The following TLE3 variants were observed in gnomAD, a reference collection of about 807,000 sequenced individuals.
TLE3 encodes TLE family member 3, transcriptional corepressor.
TLE3 carries 14 observed loss-of-function variants against 93.0 expected under a neutral mutation model. The ratio of observed to expected loss-of-function variants is 0.15; its 90% confidence interval spans 0.10 to 0.24. TLE3 has a LOEUF of 0.24. Among genes scored for constraint, TLE3 ranks in the 10% least tolerant of loss-of-function variants. The pLI is 1.00. For synonymous variants in TLE3, 451 were observed against 425.0 expected (o/e 1.06, Z -0.75); for missense variants, 693 against 1,046.6 (o/e 0.66, Z 4.66).
Position 70,072,863 on chromosome 15 carries a change from G to A in TLE3, c.372+1670C>T, listed in dbSNP as rs576513927. Among the ~76,000 whole-genome samples the A allele has an allele frequency of 5.3e-5, 8 of 152,336 alleles. No homozygotes were observed. The South Asian group carries it at 6.2e-4, about 12-fold the overall frequency. ...AACAGTGTCAAGGTTGACGATCCCC[G>A]GGCTAGATGATCTCTGATGATACTT... On this transcript the variant is annotated intron_variant, in intron 6 of 19. Coordinates refer to ENST00000451782, the MANE Select transcript of TLE3 (RefSeq NM_001105192.3).
chr15:70,068,575 G>C (rs1272850411), intron 6 of TLE3, among the ~76,000 whole-genome samples: 1 of 152,206 alleles, frequency 6.6e-6, no homozygotes, highest in East Asian at 1.9e-4. Flanking sequence ...GAGCCAATAA[G>C]ATCCCTTGAG....
chr15:70,066,538 G>A lies in TLE3; in HGVS notation c.373-320C>T, dbSNP rs184465354. ...AAAGAATGCATGCATTTAAAAAACC[G>A]CAGAGTCATGGGGTTCCCTCTGAGT... is the stretch of plus-strand genomic sequence containing the variant. On this transcript the variant is annotated intron_variant, in intron 6 of 19. Coordinates refer to ENST00000451782, the MANE Select transcript of TLE3 (RefSeq NM_001105192.3). The A allele has an allele frequency of 2.6e-5, 7 of 270,498 alleles. No individual in the cohort carries two copies. In the East Asian group the frequency reaches 5.0e-4, roughly 19 times the overall value. 16.8% of individuals were successfully genotyped at this position (270,498 alleles called of 1,614,324 possible).
At chr15:70,082,862 C>T (rs1479150388) in intron 4 of TLE3, among the ~76,000 whole-genome samples, 1 of 152,194 alleles carries the variant, frequency 6.6e-6, no homozygotes, top group African/African-American at 2.4e-5. Context: ...GACCGATCAA[C>T]GGCAAGGGAC....
At chr15:70,051,557 A>G (rs1595852752) in intron 18 of TLE3, 90 bp from the exon 19 acceptor site, 9 of 1,182,790 alleles carry the variant, frequency 7.6e-6, no homozygotes, top group Admixed American at 2.4e-5. Flanking sequence ...TGCCATAGAA[A>G]AGCAGTGAGA....
In TLE3 at chr15:70,096,886, C is replaced by A. The variant is rs768869955; in HGVS notation, c.-88G>T. ...GGGGGAGGGGGGAGCCGAGCCCGAG[C>A]GGGGGGCGGCCGGGAAACCGAGAGC... On this transcript the variant is annotated 5_prime_UTR_variant, in exon 1 of 20. Coordinates refer to ENST00000451782, the MANE Select transcript of TLE3 (RefSeq NM_001105192.3). 2.5e-5 allele frequency: 37 copies of A among 1,456,176 alleles called. No homozygotes were observed. The highest frequency in any genetic ancestry group is 3.3e-5 in the Non-Finnish European group (35 of 1,070,074). The allele number at this position is 1,456,176 out of a possible 1,614,324, so 90.2% of individuals were successfully genotyped here. A position where few individuals can be genotyped will look rare whatever the true frequency, so the allele number is the denominator to read the frequency against.
chr15:70,087,654 G>C (rs2058092897), intron 4 of TLE3, among the ~76,000 whole-genome samples: 1 of 152,186 alleles, frequency 6.6e-6, no homozygotes, highest in Non-Finnish European at 1.5e-5. Flanking sequence ...AGCCAGCCTG[G>C]GAGAGAACAG....
At position 70,049,733 on chromosome 15, in the gene TLE3, C is replaced by T. The variant is rs562970459; in HGVS notation, c.*364G>A. The T allele has an allele frequency of 9.3e-6, 2 of 214,656 alleles. No individual in the cohort carries two copies. The highest frequency in any genetic ancestry group is 1.0e-4 in the East Asian group (1 of 9,534). 13.3% of individuals were successfully genotyped at this position (214,656 alleles called of 1,614,324 possible). On this transcript the variant is annotated 3_prime_UTR_variant, in exon 20 of 20. Transcript: ENST00000451782. ...CACAACATTGTGGTCCACTCCAGCA[C>T]CCCCGACCCAAGGTGAGGGACAGGG...
chr15:70,095,458 C>T (rs2142099883), intron 3 of TLE3, 120 bp downstream of exon 3: 1 of 1,543,476 alleles, frequency 6.5e-7, no homozygotes, highest in South Asian at 1.2e-5. Flanking sequence ...TGCCCTCTCT[C>T]AGGGCCGCCC....
At chr15:70,075,215 G>A (rs923663381) in intron 5 of TLE3, among the ~76,000 whole-genome samples, 2 of 152,224 alleles carry the variant, frequency 1.3e-5, no homozygotes, top group Non-Finnish European at 2.9e-5. Flanking sequence ...GTGATGATGT[G>A]TCAATGTAGA....
Position 70,060,775 on chromosome 15 carries a change from G to A in TLE3, c.595-126C>T, listed in dbSNP as rs201080677. 637 of 1,504,622 alleles carry A rather than the reference G, an allele frequency of 4.2e-4. 4 individuals carry two copies. In the Middle Eastern group the frequency reaches 8.1e-3, roughly 19 times the overall value. The allele number at this position is 1,504,622 out of a possible 1,614,324, so 93.2% of individuals were successfully genotyped here. A position where few individuals can be genotyped will look rare whatever the true frequency, so the allele number is the denominator to read the frequency against. On this transcript the variant is annotated intron_variant, in intron 8 of 19. Coordinates refer to ENST00000451782, the MANE Select transcript of TLE3 (RefSeq NM_001105192.3). ...GGGAAGAGAAGCTGAACTCCTCTCTGCCCTGCAGATCGTGGCTCCATCAGA... is the reference window on the plus strand; with the variant it reads ...GGGAAGAGAAGCTGAACTCCTCTCTACCCTGCAGATCGTGGCTCCATCAGA...
At chr15:70,085,832 G>C (rs2058015321) in intron 4 of TLE3, among the ~76,000 whole-genome samples, 1 of 152,246 alleles carries the variant, frequency 6.6e-6, no homozygotes, top group Non-Finnish European at 1.5e-5. Flanking sequence ...GCGATTGAGG[G>C]ATGGGAGACA....
In TLE3 at chr15:70,059,394, C is replaced by G; in HGVS notation, c.765+16G>C. 1.2e-6 allele frequency: 2 copies of G among 1,606,766 alleles called. No homozygotes were observed. The highest frequency in any genetic ancestry group is 1.7e-6 in the Non-Finnish European group (2 of 1,176,540). ...TGCCAAACCAAGAGCCCCCTTGCGA[C>G]CGGGCCTGCCCATACCTCATTGGAA... On this transcript the variant is annotated intron_variant, in intron 10 of 19. Transcript: ENST00000451782.
At chr15:70,094,829 A>C in intron 3 of TLE3, 3 of 496,868 alleles carry the variant, frequency 6.0e-6, no homozygotes, top group Non-Finnish European at 7.3e-6. Flanking sequence ...CACAAGCACC[A>C]CATGTGCCCT....
Position 70,066,031 on chromosome 15 carries a change from T to C in TLE3, c.560A>G (p.His187Arg), listed in dbSNP as rs2056794466. 6.9e-7 allele frequency: 1 copy of C among 1,457,252 alleles called. No individual in the cohort carries two copies. Among genetic ancestry groups the C allele is most frequent in the South Asian group, 1.1e-5 (1 of 88,986 alleles). The allele number at this position is 1,457,252 out of a possible 1,614,324, so 90.3% of individuals were successfully genotyped here. Residue 187 changes from histidine to arginine, a missense_variant, in exon 7 of 20, where the codon CAT becomes CGT. Transcript: ENST00000451782. ...AGCCGCACCTCTGTGATCGAGTTCA[T>C]GGTGGTTCTTCTCATCCTTCACCGT... The part of the protein sequence containing the change: ...HLTVKDEKNH[H>R]ELDHRERESS...
intron 1 of TLE3, 63 bp downstream of exon 1, chr15:70,096,712 A>G (rs1459518021): frequency 2.5e-6 from 4 of 1,598,808 alleles, no homozygotes; most frequent in Non-Finnish European, 2.6e-6. Context: ...GAGGTGCCAG[A>G]TAAACTGCCT....
chr15:70,049,969 C>G lies in TLE3; in HGVS notation c.*128G>C. 1.4e-6 allele frequency: 1 copy of G among 726,368 alleles called. No individual in the cohort carries two copies. The highest frequency in any genetic ancestry group is 2.4e-6 in the Non-Finnish European group (1 of 419,664). 45.0% of individuals were successfully genotyped at this position (726,368 alleles called of 1,614,324 possible). On this transcript the variant is annotated 3_prime_UTR_variant, in exon 20 of 20. Transcript: ENST00000451782. ...CACGTGCCCTCTCAGCCGGCCGGAGCGCAGCCCTGAACGCTCGGCTGCCTG... is the reference window on the plus strand; with the variant it reads ...CACGTGCCCTCTCAGCCGGCCGGAGGGCAGCCCTGAACGCTCGGCTGCCTG...
rs987046816 is a variant in TLE3 at position 70,049,350 on chromosome 15, T to G, written c.*747A>C. On this transcript the variant is annotated 3_prime_UTR_variant, in exon 20 of 20. Transcript: ENST00000451782. ...CCTTCCATCCCTCAGTCTGGCCGGC[T>G]GGTTATCAGTCCGGATGCCCAGACC... 7.9e-5 allele frequency: 12 copies of G among 152,174 alleles called. No homozygotes were observed. The highest frequency in any genetic ancestry group is 2.9e-4 in the African/African-American group (12 of 41,430). 9.4% of individuals were successfully genotyped at this position (152,174 alleles called of 1,614,324 possible).
intron 19 of TLE3, 25 bp downstream of exon 19, chr15:70,051,363 AGAG>A (rs373497994): frequency 6.3e-6 from 10 of 1,587,514 alleles, no homozygotes; most frequent in African/African-American, 4.0e-5. Flanking sequence ...GGTAGAACCC[AGAG>A]GAGGACTCAG....
rs1014158565 is a variant in TLE3 at position 70,096,161 on chromosome 15, C to T, written c.125G>A (p.Ser42Asn). 7 of 1,554,132 alleles carry T rather than the reference C, an allele frequency of 4.5e-6. No individual in the cohort carries two copies. Among genetic ancestry groups the T allele is most frequent in the South Asian group, 1.2e-5 (1 of 84,304 alleles). The change falls in exon 2 of 20, where the codon AGC (serine) becomes AAC (asparagine). Residue 42 changes from serine to asparagine, a missense_variant and splice_region_variant. Ser to Asn is a conservative substitution (Grantham distance 46). Around this residue, in one of 4 missense-constraint regions of TLE3, gnomAD observed 104 missense variants for 173.8 expected, o/e 0.60. Coordinates refer to ENST00000451782, the MANE Select transcript of TLE3 (RefSeq NM_001105192.3). ...CCGGGGCGGCCCCCACCGGCCTTAC[C>T]TGTGATACTGAGCTTGCAGGAACTG... is the stretch of plus-strand genomic sequence containing the variant. The part of the protein sequence containing the change: ...EFQFLQAQYH[S>N]LKVEYDKLAN...
Sources: gnomAD v4.1 joint callset for allele counts (sites outside exome capture counted in the v4.1 genomes callset) on GRCh38, gnomAD v4.1.1 for gene constraint, gnomAD v4.1.1 regional missense constraint, MANE v1.5 for transcripts, NCBI Gene and HGNC (gene_info 2026-07-23, HGNC 2026-07-21) for gene names.